The following FAM185A variants were observed in gnomAD, a reference collection of about 807,000 sequenced individuals.
FAM185A encodes the protein family with sequence similarity 185 member A.
A neutral mutation model predicts 45.7 loss-of-function variants in FAM185A; 21 were observed. That is an observed-to-expected ratio of 0.46 (90% CI 0.33 to 0.66). The LOEUF (loss-of-function observed/expected upper bound fraction) is 0.66, where lower values mean the gene tolerates loss of function less well. FAM185A is among the 30% of genes least tolerant of loss of function. FAM185A has a pLI of 0.03. For synonymous variants in FAM185A, 117 were observed against 194.0 expected (o/e 0.60, Z 3.30); for missense variants, 305 against 485.4 (o/e 0.63, Z 3.49).
chr7:102,844,760 A>G, the FAM185A span, among the ~76,000 whole-genome samples: 1 of 152,138 alleles, frequency 6.6e-6, no homozygotes, highest in African/African-American at 2.4e-5. Flanking sequence ...TAAGAGCCCA[A>G]TCCCAGTAGA....
chr7:102,839,277 C>G, the FAM185A span, among the ~76,000 whole-genome samples: 1 of 152,208 alleles, frequency 6.6e-6, no homozygotes, highest in Non-Finnish European at 1.5e-5. Flanking sequence ...CCCACCATCA[C>G]CCTGCTCTCC....
chr7:102,848,294 C>T, the FAM185A span, among the ~76,000 whole-genome samples: 2 of 46,490 alleles, frequency 4.3e-5, 1 homozygote, highest in African/African-American at 5.3e-4. Flanking sequence ...CGGTGGCTCA[C>T]GCCTGTAATC....
At chr7:102,785,043 A>C (rs1326366817) in intron 6 of FAM185A, among the ~76,000 whole-genome samples, 1 of 146,818 alleles carries the variant, frequency 6.8e-6, no homozygotes, top group Non-Finnish European at 1.5e-5. Context: ...CCGATAACAG[A>C]CAGAGAGCTA....
intron 5 of FAM185A, among the ~76,000 whole-genome samples, chr7:102,774,308 T>A (rs1794925978): frequency 6.6e-6 from 1 of 152,214 alleles, no homozygotes; most frequent in Non-Finnish European, 1.5e-5. Context: ...GTGACCTTGC[T>A]AAATTTATTC....
At chr7:102,779,849 G>A (rs939824053) in intron 6 of FAM185A, 2 of 95,020 alleles carry the variant, frequency 2.1e-5, no homozygotes, top group African/African-American at 4.3e-5. Flanking sequence ...ACCACACCCA[G>A]CTTTTTTTTT....
At chr7:102,816,455 G>T in the FAM185A span, among the ~76,000 whole-genome samples, 1 of 152,108 alleles carries the variant, frequency 6.6e-6, no homozygotes, top group Non-Finnish European at 1.5e-5. Flanking sequence ...ATCCTTAGCC[G>T]TGACTAGCTG....
chr7:102,782,922 C>T (rs1007661967), intron 6 of FAM185A, among the ~76,000 whole-genome samples: 4 of 150,780 alleles, frequency 2.7e-5, no homozygotes, highest in African/African-American at 9.8e-5. Flanking sequence ...CGTGCAGAGA[C>T]ACACATAGGC....
At chr7:102,830,767 G>A in the FAM185A span, among the ~76,000 whole-genome samples, 1 of 152,188 alleles carries the variant, frequency 6.6e-6, no homozygotes, top group Non-Finnish European at 1.5e-5. Flanking sequence ...AGCCTTCAGT[G>A]TGTACAATAG....
At chr7:102,826,765 A>ATATATATC in the FAM185A span, among the ~76,000 whole-genome samples, 1 of 114,846 alleles carries the variant, frequency 8.7e-6, no homozygotes, top group East Asian at 3.0e-4. Flanking sequence ...ATATATATAT[A>ATATATATC]TATATATGTA....
chr7:102,761,660 A>ATTTCTTT (rs987421244), intron 4 of FAM185A, among the ~76,000 whole-genome samples: 7 of 151,544 alleles, frequency 4.6e-5, no homozygotes, highest in Non-Finnish European at 1.0e-4. Context: ...TTTTTAATGC[A>ATTTCTTT]TTTCTTTTTT....
rs1794049060 is a variant in FAM185A at position 102,760,536 on chromosome 7, G to A, written c.655-737G>A. 4.0e-5 allele frequency among the ~76,000 whole-genome samples: 6 copies of A among 151,430 alleles called. No individual in the cohort carries two copies. In the Middle Eastern group the frequency reaches 0.014, roughly 351 times the overall value. Reference sequence around the variant, plus strand: ...CCTATTCATGATTTAAATAGCAAAAGCAATCAAACAAAGTTGAAATAGAAG... The same window carrying A: ...CCTATTCATGATTTAAATAGCAAAAACAATCAAACAAAGTTGAAATAGAAG... On this transcript the variant is annotated intron_variant, in intron 3 of 7. Transcript: ENST00000413034.
chr7:102,826,946 C>T, the FAM185A span: 16 of 282,156 alleles, frequency 5.7e-5, no homozygotes, highest in South Asian at 9.1e-5. Context: ...AGAGCTCTAT[C>T]GTATTATTTT....
chr7:102,775,015 T>G (rs956239494), intron 5 of FAM185A, among the ~76,000 whole-genome samples: 1 of 152,044 alleles, frequency 6.6e-6, no homozygotes, highest in East Asian at 1.9e-4. Flanking sequence ...TTTTTGTTTT[T>G]TTTTTTTGCT....
chr7:102,835,842 C>A, the FAM185A span, among the ~76,000 whole-genome samples: 1 of 151,870 alleles, frequency 6.6e-6, no homozygotes, highest in African/African-American at 2.4e-5. Context: ...ATCTCCTGAC[C>A]TCGTGATCCG....
chr7:102,813,818 ATACTGCTTTAAG>A (rs1285753208), downstream of FAM185A, among the ~76,000 whole-genome samples: 1 of 152,182 alleles, frequency 6.6e-6, no homozygotes, highest in Non-Finnish European at 1.5e-5. Flanking sequence ...CTATTTATTT[ATACTGCTTTAAG>A]TAAGCCCCTT....
the FAM185A span, among the ~76,000 whole-genome samples, chr7:102,831,858 C>T: frequency 6.6e-6 from 1 of 152,064 alleles, no homozygotes; most frequent in Non-Finnish European, 1.5e-5. Flanking sequence ...GTTCTGGTAG[C>T]GTTTCAAGAG....
chr7:102,813,660 C>T, downstream of FAM185A: 1 of 916,130 alleles, frequency 1.1e-6, no homozygotes, highest in Admixed American at 2.4e-5. Flanking sequence ...CCTCTCTTGC[C>T]TTGCTGAGAG....
intron 7 of FAM185A, among the ~76,000 whole-genome samples, chr7:102,804,899 T>C (rs533162626): frequency 6.6e-6 from 1 of 152,244 alleles, no homozygotes; most frequent in South Asian, 2.1e-4. Flanking sequence ...CATAAGAAGA[T>C]ATACAAATGG....
intron 4 of FAM185A, among the ~76,000 whole-genome samples, chr7:102,770,794 T>C (rs1794701318): frequency 6.6e-6 from 1 of 152,114 alleles, no homozygotes; most frequent in South Asian, 2.1e-4. Context: ...TGGAAAGCAG[T>C]TTGAAGATTT....
Sources: gnomAD v4.1 joint callset for allele counts (sites outside exome capture counted in the v4.1 genomes callset) on GRCh38, gnomAD v4.1.1 for gene constraint, MANE v1.5 for transcripts, NCBI Gene and HGNC (gene_info 2026-07-23, HGNC 2026-07-21) for gene names.